CDHR2: variants seen among roughly 807,000 people sequenced by gnomAD.
CDHR2 encodes cadherin-related family member 2.
A neutral mutation model predicts 138.6 loss-of-function variants in CDHR2; 104 were observed. The observed-to-expected ratio is 0.75, with a 90% CI of 0.64 to 0.88. The LOEUF (loss-of-function observed/expected upper bound fraction) is 0.88, where lower values mean the gene tolerates loss of function less well. CDHR2 is among the 40% of genes least tolerant of loss of function. The pLI is 0.00. For synonymous variants in CDHR2, 755 were observed against 742.8 expected (o/e 1.02, Z -0.27); for missense variants, 1,624 against 1,727.6 (o/e 0.94, Z 1.06).
rs753031178 is a variant in CDHR2, at chr5:176,586,787, C to G, written c.2807-6C>G. ...CCGCTGACCCCGTTCCCGTTCACACCTGCAGTGATCATCCCTGAACTCGTG... is the reference window on the plus strand; with the variant it reads ...CCGCTGACCCCGTTCCCGTTCACACGTGCAGTGATCATCCCTGAACTCGTG... On this transcript the variant is annotated splice_polypyrimidine_tract_variant and splice_region_variant and intron_variant, in intron 20 of 31. Transcript: ENST00000261944. 1 of 1,606,176 alleles carries G rather than the reference C, an allele frequency of 6.2e-7. No individual in the cohort carries two copies. Among genetic ancestry groups the G allele is most frequent in the Non-Finnish European group, 8.5e-7 (1 of 1,176,232 alleles).
Position 176,592,616 on chromosome 5 carries a change from G to A in CDHR2, c.3735-107G>A, listed in dbSNP as rs1758916296. 14 of 838,788 alleles carry A rather than the reference G, an allele frequency of 1.7e-5. No homozygotes were observed. In the South Asian group the frequency reaches 1.9e-4, roughly 12 times the overall value. The allele number at this position is 838,788 out of a possible 1,614,324, so 52.0% of individuals were successfully genotyped here. On this transcript the variant is annotated intron_variant, in intron 30 of 31. Coordinates refer to ENST00000261944, the MANE Select transcript of CDHR2 (RefSeq NM_017675.6). ...GGTGGTGGTGGTGATGGTGATGATG[G>A]TGGTAGTCGTGGTGATGGTGATGGT...
upstream of CDHR2, among the ~76,000 whole-genome samples, chr5:176,548,247 A>G (rs190899293): frequency 2.6e-5 from 4 of 152,384 alleles, no homozygotes; most frequent in Admixed American, 2.6e-4. Flanking sequence ...GTGCATGACT[A>G]TATATCTATT....
At chr5:176,577,302 G>A (rs1212660075) in intron 12 of CDHR2, 97 bp from the exon 13 acceptor site, 7 of 1,339,748 alleles carry the variant, frequency 5.2e-6, no homozygotes, top group East Asian at 2.5e-5. Context: ...GGACCTCATC[G>A]GGCGGGGCAT....
intron 11 of CDHR2, 49 bp from the exon 12 acceptor site, chr5:176,575,903 C>T: frequency 1.3e-6 from 2 of 1,572,710 alleles, no homozygotes; most frequent in East Asian, 2.3e-5. Flanking sequence ...TTTGATCTCT[C>T]TCTCTGAGCA....
chr5:176,589,785 C>T (rs566179030), intron 24 of CDHR2, among the ~76,000 whole-genome samples, 169 bp downstream of exon 24: 28 of 152,326 alleles, frequency 1.8e-4, no homozygotes, highest in East Asian at 9.7e-4. Context: ...TGCATGTCCC[C>T]AGAAGCCCAT....
intron 3 of CDHR2, chr5:176,566,855 C>T (rs1387521932): frequency 4.5e-6 from 2 of 444,750 alleles, no homozygotes; most frequent in East Asian, 1.4e-4. Flanking sequence ...TTCTGGTTGG[C>T]CGTGTGCCTA....
intron 24 of CDHR2, 118 bp from the exon 25 acceptor site, chr5:176,589,960 G>A (rs1363592490): frequency 1.8e-5 from 15 of 810,936 alleles, no homozygotes; most frequent in Admixed American, 3.9e-5. Flanking sequence ...TCAGCCAACA[G>A]AGCTGTCCAG....
intron 16 of CDHR2, among the ~76,000 whole-genome samples, chr5:176,579,761 G>C (rs1470328611): frequency 6.6e-6 from 1 of 152,166 alleles, no homozygotes; most frequent in African/African-American, 2.4e-5. Context: ...GGTTGAGTCG[G>C]AGTGGTCCCA....
chr5:176,567,577 C>T (rs1365073191), intron 3 of CDHR2, among the ~76,000 whole-genome samples: 1 of 152,142 alleles, frequency 6.6e-6, no homozygotes, highest in South Asian at 2.1e-4. Context: ...CTGCAACCTT[C>T]ACCTCCCGGG....
rs939947246 is a variant in CDHR2, at chr5:176,553,929, T to A, written c.-16+4515T>A. Among the ~76,000 whole-genome samples, 1 of 152,196 alleles carries A rather than the reference T, an allele frequency of 6.6e-6. No homozygotes were observed. The highest frequency in any genetic ancestry group is 6.5e-5 in the Admixed American group (1 of 15,276). ...ACTGCCCTTGACTCCAGCGCTATGA[T>A]GTCACTCTCCAGGGTGTAGCTGTAC... On this transcript the variant is annotated intron_variant, in intron 1 of 31. Transcript: ENST00000261944. The surrounding 1 kb of genome is among the most constrained non-coding windows in gnomAD (Gnocchi z 4.3).
At position 176,560,991 on chromosome 5, in the gene CDHR2, G is replaced by T. The variant is rs1395288478; in HGVS notation, c.-15-4347G>T. Among the ~76,000 whole-genome samples, 41 of 9,634 alleles carry T rather than the reference G, an allele frequency of 4.3e-3. 1 individual carries two copies. In the East Asian group the frequency reaches 0.51, roughly 121 times the overall value. The allele number at this position is 9,634 out of a possible 152,430, so 6.3% of individuals were successfully genotyped here. A position where few individuals can be genotyped will look rare whatever the true frequency, so the allele number is the denominator to read the frequency against. On this transcript the variant is annotated intron_variant, in intron 1 of 31. Transcript: ENST00000261944. ...GATCTCTGACTGTCTAGGGCACACT[G>T]GGGGAGGAGGGCCTGCAGCTAGCCA...
At chr5:176,545,333 G>A (rs542376426), upstream of CDHR2, among the ~76,000 whole-genome samples, 3 of 152,198 alleles carry the variant, frequency 2.0e-5, no homozygotes, top group South Asian at 6.2e-4. Context: ...CATGTTCTAC[G>A]TTTCACCATG....
chr5:176,592,517 A>ATAGTG (rs1758909859), intron 30 of CDHR2, among the ~76,000 whole-genome samples: 1 of 100,054 alleles, frequency 1.0e-5, no homozygotes, highest in Non-Finnish European at 2.2e-5. Context: ...TTATGATGAT[A>ATAGTG]GTGGTGGTGG....
chr5:176,576,022 T>C lies in CDHR2; in HGVS notation c.1031T>C (p.Met344Thr). ...AGCATCTGGGTGACAGTGAGAGTGA[T>C]GGACGTCAATGACCACAAACCTGAG... is the stretch of plus-strand genomic sequence containing the variant. Reference protein sequence around the residue: ...KVSIWVTVRVMDVNDHKPEFY... With the variant: ...KVSIWVTVRVTDVNDHKPEFY... Residue 344 changes from methionine to threonine, a missense_variant, in exon 12 of 32, where the codon ATG (methionine) becomes ACG (threonine). Transcript: ENST00000261944. This position sits in a 1 kb window ranked among gnomAD's most constrained non-coding sequence, Gnocchi z 4.5. 6.2e-7 allele frequency: 1 copy of C among 1,613,448 alleles called. No individual in the cohort carries two copies. The highest frequency in any genetic ancestry group is 8.5e-7 in the Non-Finnish European group (1 of 1,179,960).
intron 17 of CDHR2, among the ~76,000 whole-genome samples, chr5:176,582,613 A>G (rs1758557228): frequency 6.6e-6 from 1 of 152,112 alleles, no homozygotes; most frequent in African/African-American, 2.4e-5. Context: ...GCGAGACCCC[A>G]TCTCTACTAA....
At position 176,577,638 on chromosome 5, in the gene CDHR2, T is replaced by TTG. The variant is rs1561875356; in HGVS notation, c.1355_1356dup (p.Ala453TrpfsTer15). ...TGCTGCCTCCTCCCCTGCCCCCAGG[T>TTG]TGTGGCCACAGACTCCGTCAGCCAG... On this transcript the variant is annotated frameshift_variant and splice_region_variant, in exon 14 of 32. Transcript: ENST00000261944. LOFTEE classifies it high-confidence loss of function. The TTG allele has an allele frequency of 1.9e-6, 3 of 1,614,116 alleles. No homozygotes were observed. The highest frequency in any genetic ancestry group is 2.5e-6 in the Non-Finnish European group (3 of 1,180,008).
chr5:176,544,940 G>T (rs561398663), upstream of CDHR2, among the ~76,000 whole-genome samples: 1 of 152,194 alleles, frequency 6.6e-6, no homozygotes, highest in African/African-American at 2.4e-5. Flanking sequence ...CTCTAAGGCT[G>T]TGCACTAGGT....
intron 1 of CDHR2, among the ~76,000 whole-genome samples, chr5:176,554,401 C>T (rs902027541): frequency 6.6e-6 from 1 of 152,206 alleles, no homozygotes; most frequent in Non-Finnish European, 1.5e-5. Flanking sequence ...ACTTGCTGAG[C>T]GCCTATTGTG....
rs111879540 is a variant in CDHR2, at chr5:176,581,627, C to T, written c.2058+45C>T. 1,194 of 1,598,258 alleles carry T rather than the reference C, an allele frequency of 7.5e-4. 10 individuals carry two copies. The African/African-American group carries it at 0.014, about 18-fold the overall frequency. On this transcript the variant is annotated intron_variant, in intron 17 of 31. Coordinates refer to ENST00000261944, the MANE Select transcript of CDHR2 (RefSeq NM_017675.6). ...GGATGGGCCTGGGGGCCTCCCAAGC[C>T]GATAGCCAGCCCCTCCAGCTTGAGT...
Sources: allele counts gnomAD v4.1 joint callset (sites outside exome capture counted in the v4.1 genomes callset), GRCh38; gene constraint gnomAD v4.1.1; non-coding constraint Gnocchi (gnomAD v3.1); transcripts MANE v1.5; gene names NCBI Gene and HGNC (gene_info 2026-07-23, HGNC 2026-07-21).